The following SFMBT2 variants were observed in gnomAD, a reference collection of about 807,000 sequenced individuals.
SFMBT2 encodes the protein scm-like with four MBT domains protein 2.
In SFMBT2, 38 loss-of-function variants were observed where a neutral mutation model predicts 110.1. The ratio of observed to expected loss-of-function variants is 0.35; its 90% confidence interval spans 0.27 to 0.45. The LOEUF (loss-of-function observed/expected upper bound fraction) is 0.45, where lower values mean the gene tolerates loss of function less well. SFMBT2 is among the 20% of genes least tolerant of loss of function. The pLI is 1.00. For missense variants in SFMBT2, 1,011 were observed against 1,094.9 expected (o/e 0.92, Z 1.08); for synonymous variants, 425 against 425.4 (o/e 1.00, Z 0.01).
chr10:7,197,991 C>T (rs1838833215), intron 14 of SFMBT2: 1 of 984,532 alleles, frequency 1.0e-6, no homozygotes, highest in Non-Finnish European at 1.2e-6. Flanking sequence ...GTCCTAATAG[C>T]AGGACATTTT....
chr10:7,309,070 G>A (rs1419090596), intron 4 of SFMBT2, among the ~76,000 whole-genome samples: 2 of 152,188 alleles, frequency 1.3e-5, no homozygotes, highest in Non-Finnish European at 2.9e-5. Flanking sequence ...ATTATTCTGG[G>A]TGCATCCGCG....
intron 11 of SFMBT2, among the ~76,000 whole-genome samples, chr10:7,216,776 T>C (rs543978654): frequency 4.4e-4 from 67 of 152,312 alleles, no homozygotes; most frequent in African/African-American, 1.6e-3. Flanking sequence ...CATCCGTATC[T>C]TAAAATGCAA....
intron 4 of SFMBT2, among the ~76,000 whole-genome samples, chr10:7,334,324 G>C (rs1265833482): frequency 6.6e-6 from 1 of 152,152 alleles, no homozygotes; most frequent in Non-Finnish European, 1.5e-5. Flanking sequence ...CCAGGAGCCT[G>C]ATGCTCAGAC....
chr10:7,317,136 CT>C (rs778585842), intron 4 of SFMBT2, among the ~76,000 whole-genome samples: 1 of 152,114 alleles, frequency 6.6e-6, no homozygotes, highest in Non-Finnish European at 1.5e-5. Context: ...CTCGTGCCCC[CT>C]CCCCCAGGGT....
chr10:7,184,027 T>C (rs1426686763), intron 16 of SFMBT2, among the ~76,000 whole-genome samples: 1 of 152,114 alleles, frequency 6.6e-6, no homozygotes, highest in East Asian at 1.9e-4. Flanking sequence ...GAGGCAAAGT[T>C]TTTCCTCACT....
At chr10:7,370,240 C>T in intron 3 of SFMBT2, 41 bp downstream of exon 3, 1 of 1,559,060 alleles carries the variant, frequency 6.4e-7, no homozygotes, top group Non-Finnish European at 8.8e-7. Flanking sequence ...CTTCCCTTCC[C>T]ACTTTCTAGA....
chr10:7,172,507 C>T lies in SFMBT2; in HGVS notation c.2139G>A (p.Ala713=), dbSNP rs145957081. The part of the protein sequence containing the change: ...KRRSSAVDFT[A]GSGEESEEED... ...GGGCAGAACATACCTCCCCCGAGCC[C>T]GCGGTGAAGTCCACGGCAGAAGACC... Residue 713 remains alanine, a synonymous_variant, in exon 18 of 21, where the codon GCG becomes GCA. Coordinates refer to ENST00000397167, the MANE Select transcript of SFMBT2 (RefSeq NM_001387889.1). This position sits in a 1 kb window ranked among gnomAD's most constrained non-coding sequence, Gnocchi z 4.6. The T allele has an allele frequency of 1.1e-4, 185 of 1,613,952 alleles. No homozygotes were observed. Among genetic ancestry groups the T allele is most frequent in the African/African-American group, 2.0e-4 (15 of 74,938 alleles).
chr10:7,360,653 G>C (rs1183744590), intron 4 of SFMBT2, among the ~76,000 whole-genome samples: 1 of 152,178 alleles, frequency 6.6e-6, no homozygotes, highest in East Asian at 1.9e-4. Flanking sequence ...ATGATGTGAT[G>C]TGTAAATGAT....
chr10:7,261,300 C>T (rs953186877), intron 7 of SFMBT2, among the ~76,000 whole-genome samples: 2 of 152,186 alleles, frequency 1.3e-5, no homozygotes, highest in Non-Finnish European at 2.9e-5. Flanking sequence ...TATGCTATCC[C>T]GAAAGGTCTG....
chr10:7,235,420 T>C (rs1417612083), intron 9 of SFMBT2, among the ~76,000 whole-genome samples: 1 of 152,138 alleles, frequency 6.6e-6, no homozygotes, highest in Non-Finnish European at 1.5e-5. Context: ...TGAACTTTAA[T>C]GCAAAATGCC....
At chr10:7,406,835 C>T (rs920593732) in intron 1 of SFMBT2, among the ~76,000 whole-genome samples, 1 of 152,186 alleles carries the variant, frequency 6.6e-6, no homozygotes. Context: ...ACCGGCACTT[C>T]TACAGCAACA....
intron 4 of SFMBT2, among the ~76,000 whole-genome samples, chr10:7,351,015 T>A (rs570925641): frequency 6.6e-6 from 1 of 152,332 alleles, no homozygotes; most frequent in Admixed American, 6.5e-5. Context: ...CTCCTCTACC[T>A]CCTTCCTTGC....
intron 15 of SFMBT2, among the ~76,000 whole-genome samples, chr10:7,196,546 T>A (rs1220169936): frequency 1.3e-5 from 2 of 152,204 alleles, no homozygotes; most frequent in Non-Finnish European, 2.9e-5. Flanking sequence ...AGCTGAGGAT[T>A]ACATCATCTC....
chr10:7,173,157 G>A (rs1837943394), intron 17 of SFMBT2, among the ~76,000 whole-genome samples: 1 of 152,220 alleles, frequency 6.6e-6, no homozygotes, highest in Non-Finnish European at 1.5e-5. Context: ...CGCAGTGAAA[G>A]CTCAGGGTCT....
In SFMBT2 at chr10:7,293,970, C is replaced by T. The variant is rs1293753580; in HGVS notation, c.437-8016G>A. Among the ~76,000 whole-genome samples the T allele has an allele frequency of 6.6e-6, 1 of 152,220 alleles. No individual in the cohort carries two copies. The highest frequency in any genetic ancestry group is 6.5e-5 in the Admixed American group (1 of 15,290). ...GTGATGTATATCACAGACATCACTT[C>T]CTCGCTGGACATGGCCACATCTCAT... On this transcript the variant is annotated intron_variant, in intron 4 of 20. Transcript: ENST00000397167. The surrounding 1 kb of genome is among the most constrained non-coding windows in gnomAD (Gnocchi z 4.6).
intron 4 of SFMBT2, among the ~76,000 whole-genome samples, chr10:7,313,263 G>A (rs1317175696): frequency 2.6e-5 from 4 of 151,628 alleles, no homozygotes; most frequent in Non-Finnish European, 4.4e-5. Flanking sequence ...GTTCTACAAC[G>A]CAATTGCACT....
rs562698820 is a variant in SFMBT2 at position 7,325,418 on chromosome 10, T to C, written c.437-39464A>G. Among the ~76,000 whole-genome samples, 28 of 152,306 alleles carry C rather than the reference T, an allele frequency of 1.8e-4. No individual in the cohort carries two copies. In the South Asian group the frequency reaches 5.8e-3, roughly 32 times the overall value. On this transcript the variant is annotated intron_variant, in intron 4 of 20. Coordinates refer to ENST00000397167, the MANE Select transcript of SFMBT2 (RefSeq NM_001387889.1). Reference sequence around the variant, plus strand: ...CTCAGAGAAGTTTAAAATCCTTCTATTATCACAAGGTATCTGCTGTGCTGC... The same window carrying C: ...CTCAGAGAAGTTTAAAATCCTTCTACTATCACAAGGTATCTGCTGTGCTGC...
chr10:7,178,771 A>G (rs1471136908), intron 16 of SFMBT2, among the ~76,000 whole-genome samples: 1 of 152,256 alleles, frequency 6.6e-6, no homozygotes, highest in African/African-American at 2.4e-5. Flanking sequence ...TAGGCACTAC[A>G]GCCCTTATCC....
intron 4 of SFMBT2, among the ~76,000 whole-genome samples, chr10:7,323,716 C>A (rs1347404046): frequency 6.6e-6 from 1 of 151,988 alleles, no homozygotes; most frequent in African/African-American, 2.4e-5. Context: ...TTTGTTTCAA[C>A]ATCTTTAAGA....
Sources: allele counts gnomAD v4.1 joint callset (sites outside exome capture counted in the v4.1 genomes callset), GRCh38; gene constraint gnomAD v4.1.1; non-coding constraint Gnocchi (gnomAD v3.1); transcripts MANE v1.5; gene names NCBI Gene and HGNC (gene_info 2026-07-23, HGNC 2026-07-21).